SH3RF3: variants seen among roughly 807,000 people sequenced by gnomAD.
The protein encoded by SH3RF3 is E3 ubiquitin-protein ligase SH3RF3.
A neutral mutation model predicts 66.3 loss-of-function variants in SH3RF3; 29 were observed. The observed-to-expected ratio is 0.44, with a 90% CI of 0.33 to 0.60. SH3RF3 has a LOEUF of 0.60. Ranked by LOEUF, SH3RF3 falls within the 20% of genes least tolerant of loss-of-function variation. The probability of loss-of-function intolerance (pLI) is 0.04; values close to 1 mark genes in which losing one functional copy is unlikely to be tolerated. For synonymous variants in SH3RF3, 583 were observed against 532.0 expected (o/e 1.10, Z -1.32); for missense variants, 1,194 against 1,190.9 (o/e 1.00, Z -0.04).
intron 7 of SH3RF3, 149 bp from the exon 8 acceptor site, chr2:109,449,021 G>A: frequency 1.1e-6 from 1 of 909,836 alleles, no homozygotes; most frequent in Non-Finnish European, 1.6e-6. Flanking sequence ...TTCTCCATCT[G>A]TGAAGAGGCC....
In SH3RF3 at chr2:109,410,582, G is replaced by A. The variant is rs189078258; in HGVS notation, c.1300-8957G>A. On this transcript the variant is annotated intron_variant, in intron 4 of 9. Coordinates refer to ENST00000309415, the MANE Select transcript of SH3RF3 (RefSeq NM_001099289.3). ...TGAAATGCTCACAGGCTGTGTTGTT[G>A]AGCATCCTGCCCGAGGGAGGGATTG... 5.9e-3 allele frequency among the ~76,000 whole-genome samples: 893 copies of A among 152,342 alleles called. 11 individuals are homozygous for A. The highest frequency in any genetic ancestry group is 0.02 in the African/African-American group (834 of 41,570).
At chr2:109,138,026 CT>C (rs199953327) in intron 1 of SH3RF3, among the ~76,000 whole-genome samples, 7 of 151,586 alleles carry the variant, frequency 4.6e-5, no homozygotes, top group African/African-American at 1.7e-4. Context: ...ATCAAAATTT[CT>C]TTTTTTTTGA....
At chr2:109,255,832 C>T (rs944942885) in intron 1 of SH3RF3, among the ~76,000 whole-genome samples, 7 of 152,140 alleles carry the variant, frequency 4.6e-5, no homozygotes, top group Non-Finnish European at 7.3e-5. Flanking sequence ...TTTAATAGGC[C>T]GAGTTTTCAG....
At position 109,162,293 on chromosome 2, in the gene SH3RF3, G is replaced by A. The variant is rs146447760; in HGVS notation, c.573+32180G>A. Among the ~76,000 whole-genome samples the A allele has an allele frequency of 9.1e-4, 139 of 152,340 alleles. 1 individual carries two copies. The highest frequency in any genetic ancestry group is 3.2e-3 in the African/African-American group (131 of 41,578). ...AGAGCTGTTAAAATTCCTAAAAGGC[G>A]CTGGTGTAAATACAGCTACTGCGAG... On this transcript the variant is annotated intron_variant, in intron 1 of 9. Transcript: ENST00000309415.
chr2:109,450,156 G>C (rs1677826362), intron 8 of SH3RF3, among the ~76,000 whole-genome samples: 2 of 151,972 alleles, frequency 1.3e-5, no homozygotes, highest in South Asian at 4.2e-4. Context: ...AACCAGCCTG[G>C]CCAACATGGC....
intron 8 of SH3RF3, among the ~76,000 whole-genome samples, chr2:109,454,066 A>G (rs1677965015): frequency 6.6e-6 from 1 of 152,256 alleles, no homozygotes; most frequent in Non-Finnish European, 1.5e-5. Context: ...ACTATCGTAT[A>G]ATAATCATAT....
chr2:109,370,401 G>T (rs545054004), intron 2 of SH3RF3, among the ~76,000 whole-genome samples: 1 of 151,904 alleles, frequency 6.6e-6, no homozygotes, highest in Non-Finnish European at 1.5e-5. Flanking sequence ...CACCATGCCC[G>T]GCTTATTTTT....
At position 109,394,456 on chromosome 2, in the gene SH3RF3, C is replaced by T. The variant is rs149142141; in HGVS notation, c.946-4134C>T. ...TAGGGGGTGGCCCCTGCAGAGGGGC[C>T]CCAGAACAGGGGCAGGCTCTGGGAA... On this transcript the variant is annotated intron_variant, in intron 3 of 9. Coordinates refer to ENST00000309415, the MANE Select transcript of SH3RF3 (RefSeq NM_001099289.3). Among the ~76,000 whole-genome samples, 234 of 152,214 alleles carry T rather than the reference C, an allele frequency of 1.5e-3. 1 individual carries two copies. Among genetic ancestry groups the T allele is most frequent in the African/African-American group, 4.9e-3 (205 of 41,528 alleles).
Position 109,371,821 on chromosome 2 carries a change from A to G in SH3RF3, c.945+140A>G, listed in dbSNP as rs78154522. The G allele has an allele frequency of 8.3e-3, 6,064 of 730,804 alleles. 168 individuals carry two copies. The highest frequency in any genetic ancestry group is 0.057 in the African/African-American group (3,263 of 56,826). The allele number at this position is 730,804 out of a possible 1,614,324, so 45.3% of individuals were successfully genotyped here. A position where few individuals can be genotyped will look rare whatever the true frequency, so the allele number is the denominator to read the frequency against. ...AATAGCCTCTGGCCAGAGAGCTGCT[A>G]TGTGTGGGCTTTGATTCACCTCATG... On this transcript the variant is annotated intron_variant, in intron 3 of 9. Transcript: ENST00000309415.
intron 1 of SH3RF3, among the ~76,000 whole-genome samples, chr2:109,162,511 C>T (rs138382891): frequency 6.6e-6 from 1 of 152,212 alleles, no homozygotes; most frequent in Non-Finnish European, 1.5e-5. Context: ...TGTGCTGCAC[C>T]CATTAACTTG....
intron 9 of SH3RF3, among the ~76,000 whole-genome samples, chr2:109,500,476 C>G (rs192164640): frequency 6.6e-6 from 1 of 152,150 alleles, no homozygotes; most frequent in Non-Finnish European, 1.5e-5. Flanking sequence ...TTCCACACTA[C>G]AGCATATTGG....
chr2:109,289,681 C>T (rs1343033711), intron 1 of SH3RF3, among the ~76,000 whole-genome samples: 1 of 152,108 alleles, frequency 6.6e-6, no homozygotes, highest in Non-Finnish European at 1.5e-5. Flanking sequence ...TGGCAGGCTG[C>T]ACTTCATAGC....
At chr2:109,446,153 G>A (rs1358868715) in intron 7 of SH3RF3, among the ~76,000 whole-genome samples, 2 of 152,120 alleles carry the variant, frequency 1.3e-5, no homozygotes, top group Admixed American at 6.5e-5. Context: ...TCCTACCAGA[G>A]ATGAGCACAC....
At chr2:109,447,377 G>A (rs1265699876) in intron 7 of SH3RF3, among the ~76,000 whole-genome samples, 2 of 152,048 alleles carry the variant, frequency 1.3e-5, no homozygotes, top group African/African-American at 2.4e-5. Context: ...GCTACTTCCC[G>A]TGGCCTCCAA....
intron 5 of SH3RF3, among the ~76,000 whole-genome samples, chr2:109,430,185 A>T (rs2104560973): frequency 6.6e-6 from 1 of 152,336 alleles, no homozygotes; most frequent in East Asian, 1.9e-4. Context: ...TGAGTTGCAT[A>T]CTGTTGCCCA....
intron 8 of SH3RF3, among the ~76,000 whole-genome samples, chr2:109,489,472 T>C (rs1326564399): frequency 6.6e-6 from 1 of 152,220 alleles, no homozygotes; most frequent in Non-Finnish European, 1.5e-5. Context: ...CCGTGTCACC[T>C]GTCCTACAAA....
intron 1 of SH3RF3, among the ~76,000 whole-genome samples, chr2:109,325,331 CTTTTTTTT>C (rs11298946): frequency 4.7e-4 from 31 of 66,276 alleles, no homozygotes; most frequent in African/African-American, 1.7e-3. Context: ...TTCTTTCTTT[CTTTTTTTT>C]TTTTTTTTTT....
chr2:109,309,466 ACAT>A (rs1366791711), intron 1 of SH3RF3, among the ~76,000 whole-genome samples: 3 of 129,512 alleles, frequency 2.3e-5, no homozygotes, highest in Non-Finnish European at 4.7e-5. Flanking sequence ...TCACTAGCTA[ACAT>A]CATAATGACA....
intron 3 of SH3RF3, among the ~76,000 whole-genome samples, chr2:109,388,661 C>G (rs763628043): frequency 2.6e-5 from 4 of 152,210 alleles, no homozygotes; most frequent in Non-Finnish European, 4.4e-5. Context: ...AGGTGTTTAT[C>G]GAGCATGTAC....
Sources: gnomAD v4.1 joint callset for allele counts (sites outside exome capture counted in the v4.1 genomes callset) on GRCh38, gnomAD v4.1.1 for gene constraint, MANE v1.5 for transcripts, NCBI Gene and HGNC (gene_info 2026-07-23, HGNC 2026-07-21) for gene names.